Variants in ME3 observed in about 807,000 individuals in gnomAD.
ME3 encodes the protein NADP-dependent malic enzyme, mitochondrial.
In ME3, 48 loss-of-function variants were observed where a neutral mutation model predicts 68.9. The observed-to-expected ratio is 0.70, with a 90% CI of 0.55 to 0.89. The LOEUF is 0.89. Ranked by LOEUF, ME3 falls within the 40% of genes least tolerant of loss-of-function variation. The pLI is 0.00. For synonymous variants in ME3, 320 were observed against 318.8 expected (o/e 1.00, Z -0.04); for missense variants, 675 against 797.4 (o/e 0.85, Z 1.85).
chr11:86,545,074 A>C (rs1045168697), intron 4 of ME3, among the ~76,000 whole-genome samples: 3 of 152,198 alleles, frequency 2.0e-5, no homozygotes, highest in African/African-American at 7.2e-5. Flanking sequence ...GACAAAAACC[A>C]CATGATTATC....
chr11:86,630,338 C>T (rs1943934025), intron 2 of ME3, among the ~76,000 whole-genome samples: 1 of 152,126 alleles, frequency 6.6e-6, no homozygotes, highest in Non-Finnish European at 1.5e-5. Context: ...ACTTGGCAGG[C>T]TCCAACTCCA....
intron 2 of ME3, among the ~76,000 whole-genome samples, chr11:86,663,017 A>T (rs1017722224): frequency 1.3e-5 from 2 of 152,216 alleles, no homozygotes; most frequent in African/African-American, 4.8e-5. Flanking sequence ...AAAATAGAAC[A>T]AAACAAAGTG....
chr11:86,619,402 G>A (rs1280662546), intron 2 of ME3, among the ~76,000 whole-genome samples: 4 of 152,100 alleles, frequency 2.6e-5, no homozygotes, highest in African/African-American at 9.7e-5. Context: ...TTTTCTTCTG[G>A]CTGCCAAATT....
At chr11:86,450,333 T>G in exon 9 of ME3, 3 of 1,614,078 alleles carry the variant, frequency 1.9e-6, no homozygotes, top group Non-Finnish European at 2.5e-6. Context: ...AACACGTGAT[T>G]GGAAAGCTTG....
At chr11:86,622,000 G>A (rs866757456) in intron 2 of ME3, among the ~76,000 whole-genome samples, 6 of 152,008 alleles carry the variant, frequency 3.9e-5, no homozygotes, top group East Asian at 1.9e-4. Flanking sequence ...GTTAATGGGC[G>A]CCTAGGGCTC....
intron 4 of ME3, among the ~76,000 whole-genome samples, chr11:86,532,047 T>C (rs573154315): frequency 1.4e-5 from 2 of 147,252 alleles, no homozygotes; most frequent in Non-Finnish European, 3.0e-5. Context: ...TCCACGCAAA[T>C]GTAAACCAAA....
downstream of ME3, among the ~76,000 whole-genome samples, chr11:86,439,571 C>T (rs992708157): frequency 3.9e-5 from 6 of 152,086 alleles, no homozygotes; most frequent in African/African-American, 1.2e-4. Context: ...AAGGACTTCC[C>T]AGAAGGAGAG....
At chr11:86,608,964 G>A (rs1158565674) in intron 2 of ME3, among the ~76,000 whole-genome samples, 1 of 152,176 alleles carries the variant, frequency 6.6e-6, no homozygotes, top group Non-Finnish European at 1.5e-5. Flanking sequence ...AGCCACCAAT[G>A]ATTGAGCTCT....
intron 3 of ME3, among the ~76,000 whole-genome samples, chr11:86,558,014 G>C (rs904731448): frequency 1.3e-5 from 2 of 152,088 alleles, no homozygotes; most frequent in Admixed American, 1.3e-4. Context: ...AGGGACTCCT[G>C]GAAATAAGCG....
exon 4 of ME3, chr11:86,556,573 G>A: frequency 1.2e-6 from 2 of 1,614,052 alleles, no homozygotes; most frequent in Non-Finnish European, 1.7e-6. Flanking sequence ...GGAAAGTCAG[G>A]CCATAGTGCT....
intron 2 of ME3, among the ~76,000 whole-genome samples, chr11:86,620,210 CAG>C (rs779225299): frequency 6.6e-6 from 1 of 152,086 alleles, no homozygotes; most frequent in Non-Finnish European, 1.5e-5. Context: ...TTTTCTTAAA[CAG>C]AGTTAATGAA....
chr11:86,451,060 A>T (rs1002583964), intron 8 of ME3, among the ~76,000 whole-genome samples: 3 of 152,238 alleles, frequency 2.0e-5, no homozygotes, highest in African/African-American at 7.2e-5. Context: ...TTGTGAATAA[A>T]TGTTGGCACC....
chr11:86,479,824 T>TTCTTTC (rs751767037), intron 7 of ME3, among the ~76,000 whole-genome samples: 33 of 143,432 alleles, frequency 2.3e-4, no homozygotes, highest in African/African-American at 5.9e-4. Flanking sequence ...TTTTCTTTCT[T>TTCTTTC]TTTTTTTTGA....
chr11:86,586,640 A>G (rs918862436), intron 2 of ME3, among the ~76,000 whole-genome samples: 4 of 152,230 alleles, frequency 2.6e-5, no homozygotes, highest in Non-Finnish European at 4.4e-5. Context: ...GAAAAGGACA[A>G]AAGTTCAATA....
chr11:86,625,222 C>T (rs962047608), intron 2 of ME3, among the ~76,000 whole-genome samples: 3 of 151,912 alleles, frequency 2.0e-5, no homozygotes, highest in South Asian at 2.1e-4. Context: ...AAAGTATGTC[C>T]GAGAAAGCTT....
intron 2 of ME3, among the ~76,000 whole-genome samples, chr11:86,657,395 A>C (rs910072492): frequency 7.0e-6 from 1 of 142,446 alleles, no homozygotes. Flanking sequence ...ACATGTTCTC[A>C]TTCATAAGTG....
chr11:86,538,933 G>A (rs1955864377), intron 4 of ME3, among the ~76,000 whole-genome samples: 1 of 152,080 alleles, frequency 6.6e-6, no homozygotes, highest in Admixed American at 6.6e-5. Flanking sequence ...AAGTCCTGTG[G>A]CAAATCACCC....
At chr11:86,581,041 G>A (rs1044237358) in intron 2 of ME3, among the ~76,000 whole-genome samples, 2 of 152,096 alleles carry the variant, frequency 1.3e-5, no homozygotes, top group Non-Finnish European at 1.5e-5. Flanking sequence ...GAATTGAAGT[G>A]AAATATTCTC....
chr11:86,577,031 G>A (rs1238906608), intron 2 of ME3, among the ~76,000 whole-genome samples: 2 of 152,134 alleles, frequency 1.3e-5, no homozygotes, highest in African/African-American at 4.8e-5. Context: ...TTCCTGTTGT[G>A]GTAGAAGCAG....
Sources: allele counts gnomAD v4.1 joint callset (sites outside exome capture counted in the v4.1 genomes callset), GRCh38; gene constraint gnomAD v4.1.1; transcripts MANE v1.5; gene names NCBI Gene and HGNC (gene_info 2026-07-23, HGNC 2026-07-21).